Variants in ITSN1 observed in about 807,000 individuals in gnomAD.
The protein encoded by ITSN1 is intersectin 1, also known as intersectin-1.
In ITSN1, 58 loss-of-function variants were observed where a neutral mutation model predicts 239.8. The observed-to-expected ratio is 0.24, with a 90% CI of 0.20 to 0.30. ITSN1 has a LOEUF of 0.30. ITSN1 is among the 10% of genes least tolerant of loss of function. The pLI is 1.00. For synonymous variants in ITSN1, 780 were observed against 770.8 expected (o/e 1.01, Z -0.20); for missense variants, 1,558 against 2,103.3 (o/e 0.74, Z 5.07).
intron 5 of ITSN1, among the ~76,000 whole-genome samples, chr21:33,747,043 A>G (rs1053405705): frequency 6.6e-6 from 1 of 152,158 alleles, no homozygotes; most frequent in African/African-American, 2.4e-5. Context: ...AATCCCAGTT[A>G]TTGGGGAGTC....
chr21:33,735,863 G>A (rs2066467982), intron 5 of ITSN1, among the ~76,000 whole-genome samples: 1 of 152,068 alleles, frequency 6.6e-6, no homozygotes, highest in African/African-American at 2.4e-5. Context: ...AATTAGCCAG[G>A]TGTGGTGGTG....
At chr21:33,729,534 T>C (rs985839061) in intron 4 of ITSN1, among the ~76,000 whole-genome samples, 2 of 151,906 alleles carry the variant, frequency 1.3e-5, no homozygotes, top group Non-Finnish European at 2.9e-5. Flanking sequence ...CTCAATCATT[T>C]TAGGAGTTTA....
At chr21:33,800,079 T>C (rs529139324) in intron 19 of ITSN1, 150 bp downstream of exon 19, 3 of 700,440 alleles carry the variant, frequency 4.3e-6, no homozygotes, top group Non-Finnish European at 6.3e-6. Context: ...CTCAATCTTC[T>C]TTCTTTTCTA....
chr21:33,671,195 C>T lies in ITSN1; in HGVS notation c.-33+28482C>T, dbSNP rs115197438. The stretch of plus-strand genomic sequence containing the variant: ...CAGCGAATGAGACCACCAAAAATAC[C>T]CCACGGATTTTCACACATCCATTAG... On this transcript the variant is annotated intron_variant, in intron 1 of 39. Transcript: ENST00000381318. Among the ~76,000 whole-genome samples, 668 of 152,200 alleles carry T rather than the reference C, an allele frequency of 4.4e-3. 9 individuals carry two copies. Among genetic ancestry groups the T allele is most frequent in the African/African-American group, 0.015 (632 of 41,540 alleles).
chr21:33,668,277 A>G (rs925114688), intron 1 of ITSN1, among the ~76,000 whole-genome samples: 2 of 152,244 alleles, frequency 1.3e-5, no homozygotes, highest in Non-Finnish European at 2.9e-5. Flanking sequence ...GGAGTCTTTT[A>G]GGATTCATAT....
intron 5 of ITSN1, among the ~76,000 whole-genome samples, chr21:33,746,063 A>G (rs1008957058): frequency 6.6e-6 from 1 of 152,198 alleles, no homozygotes; most frequent in African/African-American, 2.4e-5. Flanking sequence ...CTACTGTGCT[A>G]CAAAGATGCA....
At chr21:33,879,024 G>A (rs1467390624) in intron 34 of ITSN1, among the ~76,000 whole-genome samples, 1 of 152,118 alleles carries the variant, frequency 6.6e-6, no homozygotes, top group Admixed American at 6.6e-5. Flanking sequence ...GGCCCTGGAG[G>A]TGATGCTTGA....
chr21:33,754,536 A>C (rs2067782148), intron 7 of ITSN1, among the ~76,000 whole-genome samples: 1 of 152,202 alleles, frequency 6.6e-6, no homozygotes, highest in African/African-American at 2.4e-5. Context: ...AAGCTTAACA[A>C]GCCATTGGTA....
intron 38 of ITSN1, among the ~76,000 whole-genome samples, chr21:33,885,904 C>T (rs1985713605): frequency 6.6e-6 from 1 of 152,118 alleles, no homozygotes. Context: ...TTAAGCATAG[C>T]AGTTATTAAG....
Position 33,895,586 on chromosome 21 carries a change from TTTGTGA to T in ITSN1, c.*7287_*7292del, listed in dbSNP as rs1986701790. ...GCGTGTATGTGTGCGTGTGTGCATGTTTGTGAGTGCATGTGTTTGTGCGTGTGTGCG... is the reference window on the plus strand; with the variant it reads ...GCGTGTATGTGTGCGTGTGTGCATGTGTGCATGTGTTTGTGCGTGTGTGCG... On this transcript the variant is annotated 3_prime_UTR_variant, in exon 40 of 40. Transcript: ENST00000381318. 7.0e-6 allele frequency: 1 copy of T among 143,052 alleles called. No individual in the cohort carries two copies. The highest frequency in any genetic ancestry group is 2.5e-5 in the African/African-American group (1 of 39,520). The allele number at this position is 143,052 out of a possible 1,614,324, so 8.9% of individuals were successfully genotyped here. A position where few individuals can be genotyped will look rare whatever the true frequency, so the allele number is the denominator to read the frequency against.
Position 33,882,332 on chromosome 21 carries a change from G to A in ITSN1, c.4431G>A (p.Glu1477=). ...TCTACAAGGCCAAGAGCAACAAGGA[G>A]CTGTATGGCTTCCTTTTCAACGACT... The part of the protein sequence containing the change: ...GKLYKAKSNK[E]LYGFLFNDFL... Residue 1477 remains glutamate, a synonymous_variant, in exon 35 of 40, where the codon GAG becomes GAA. Transcript: ENST00000381318. This position sits in a 1 kb window ranked among gnomAD's most constrained non-coding sequence, Gnocchi z 4.5. 3 of 1,614,250 alleles carry A rather than the reference G, an allele frequency of 1.9e-6. No individual in the cohort carries two copies. The highest frequency in any genetic ancestry group is 8.5e-7 in the Non-Finnish European group (1 of 1,180,048).
intron 31 of ITSN1, among the ~76,000 whole-genome samples, chr21:33,864,025 C>T (rs557725064): frequency 1.1e-4 from 17 of 152,198 alleles, no homozygotes; most frequent in African/African-American, 2.7e-4. Context: ...TTGGCTTGCC[C>T]GGTCCAAGGG....
chr21:33,650,085 G>A (rs909741880), intron 1 of ITSN1, among the ~76,000 whole-genome samples: 4 of 151,578 alleles, frequency 2.6e-5, no homozygotes, highest in African/African-American at 9.7e-5. Context: ...AACACAGCAA[G>A]TGGTCAGAAT....
intron 33 of ITSN1, among the ~76,000 whole-genome samples, chr21:33,870,460 T>C (rs950647112): frequency 6.6e-6 from 1 of 152,156 alleles, no homozygotes; most frequent in African/African-American, 2.4e-5. Flanking sequence ...GAAAACCAGC[T>C]GAACTAAGAA....
At chr21:33,853,903 G>T (rs1039252219) in intron 29 of ITSN1, among the ~76,000 whole-genome samples, 1 of 152,162 alleles carries the variant, frequency 6.6e-6, no homozygotes, top group Admixed American at 6.5e-5. Flanking sequence ...CACCTTCAGC[G>T]GAGGGTGGGG....
chr21:33,865,023 A>T lies in ITSN1; in HGVS notation c.3891-128A>T. 1 of 812,040 alleles carries T rather than the reference A, an allele frequency of 1.2e-6. No homozygotes were observed. Among genetic ancestry groups the T allele is most frequent in the South Asian group, 2.2e-5 (1 of 44,898 alleles). 50.3% of individuals were successfully genotyped at this position (812,040 alleles called of 1,614,324 possible). A position where few individuals can be genotyped will look rare whatever the true frequency, so the allele number is the denominator to read the frequency against. ...TTCTTTCTCCATTCCTTGTCTCCCA[A>T]ATAGATCCTTTAGTGGCCCTTAAGG... On this transcript the variant is annotated intron_variant, in intron 31 of 39. Transcript: ENST00000381318. The surrounding 1 kb of genome is among the most constrained non-coding windows in gnomAD (Gnocchi z 4.4).
At chr21:33,667,193 C>T (rs748635918) in intron 1 of ITSN1, among the ~76,000 whole-genome samples, 2 of 151,366 alleles carry the variant, frequency 1.3e-5, no homozygotes, top group Non-Finnish European at 2.9e-5. Flanking sequence ...TCCAAACGCT[C>T]TATAATATAT....
chr21:33,682,716 C>T lies in ITSN1; in HGVS notation c.-32-36081C>T, dbSNP rs998770063. Among the ~76,000 whole-genome samples, 9 of 151,590 alleles carry T rather than the reference C, an allele frequency of 5.9e-5. No individual in the cohort carries two copies. In the South Asian group the frequency reaches 6.2e-4, roughly 11 times the overall value. On this transcript the variant is annotated intron_variant, in intron 1 of 39. Coordinates refer to ENST00000381318, the MANE Select transcript of ITSN1 (RefSeq NM_003024.3). ...CTAATTTTTGTATTTTTAGTAGAGA[C>T]GGGGTTTCATCACATTGGCCAGGCT...
At chr21:33,643,086 C>T (rs1218545520) in intron 1 of ITSN1, among the ~76,000 whole-genome samples, 1 of 150,856 alleles carries the variant, frequency 6.6e-6, no homozygotes, top group Non-Finnish European at 1.5e-5. Context: ...CCCGGGCTGA[C>T]CTCGCTGCCC....
Sources: gnomAD v4.1 joint callset for allele counts (sites outside exome capture counted in the v4.1 genomes callset) on GRCh38, gnomAD v4.1.1 for gene constraint, Gnocchi (gnomAD v3.1) non-coding constraint, MANE v1.5 for transcripts, NCBI Gene and HGNC (gene_info 2026-07-23, HGNC 2026-07-21) for gene names.